Variants in LRCH2 observed in about 807,000 individuals in gnomAD.
LRCH2 encodes the protein leucine rich repeats and calponin homology domain containing 2.
Under a neutral mutation model 68.9 loss-of-function variants are expected in LRCH2, and 38 were observed. The observed-to-expected ratio is 0.55, with a 90% CI of 0.43 to 0.72. The LOEUF is 0.72. Among genes scored for constraint, LRCH2 ranks in the 30% least tolerant of loss-of-function variants. The pLI is 0.00. For synonymous variants in LRCH2, 191 were observed against 208.1 expected (o/e 0.92, Z 0.71); for missense variants, 528 against 572.9 (o/e 0.92, Z 0.80).
At chrX:115,189,539 ACAT>A (rs782217725) in intron 1 of LRCH2, 10 of 1,179,814 alleles carry the variant, frequency 8.5e-6, no homozygotes, top group Non-Finnish European at 1.0e-5. Flanking sequence ...AAGTATGGCC[ACAT>A]CATCAAGGTG....
At chrX:115,217,277 G>A (rs149798256) in intron 1 of LRCH2, among the ~76,000 whole-genome samples, 33 of 111,252 alleles carry the variant, frequency 3.0e-4, no homozygotes, top group African/African-American at 9.5e-4. Flanking sequence ...TGGGCAGAAC[G>A]TGCAGGTTTG....
At chrX:115,224,518 A>C (rs1302442320) in intron 1 of LRCH2, among the ~76,000 whole-genome samples, 3 of 109,123 alleles carry the variant, frequency 2.7e-5, no homozygotes, top group African/African-American at 6.7e-5. Context: ...CCCTGTCTCT[A>C]CAAAAAAATA....
intron 1 of LRCH2, among the ~76,000 whole-genome samples, chrX:115,218,999 T>A (rs2073060885): frequency 8.9e-6 from 1 of 112,159 alleles, no homozygotes; most frequent in African/African-American, 3.2e-5. Flanking sequence ...CAGGTAGATC[T>A]GTGTATACAA....
chrX:115,163,156 T>C (rs1367626434), intron 11 of LRCH2, among the ~76,000 whole-genome samples: 1 of 111,810 alleles, frequency 8.9e-6, no homozygotes, highest in Non-Finnish European at 1.9e-5. Context: ...ACTGATTTAA[T>C]CAACTCTTGC....
intron 2 of LRCH2, among the ~76,000 whole-genome samples, chrX:115,185,887 T>C (rs186127226): frequency 5.4e-5 from 6 of 111,506 alleles, no homozygotes; most frequent in Admixed American, 9.5e-5. Flanking sequence ...TTCTACAGGA[T>C]TCTACTGAAA....
At chrX:115,148,903 T>C (rs1362455138) in intron 14 of LRCH2, among the ~76,000 whole-genome samples, 2 of 111,811 alleles carry the variant, frequency 1.8e-5, no homozygotes, top group Non-Finnish European at 3.8e-5. Flanking sequence ...TTTCCAAATG[T>C]ATGTTACACA....
chrX:115,179,439 T>C lies in LRCH2; in HGVS notation c.852A>G (p.Val284=), dbSNP rs1603063278. ...TTTTATTACAAACCTGTGCTGGTGG[T>C]ACTTGCAATGGATTGTTATCCAAAA... ...VIILDNNPLQ[V]PPAQICLKGK... is the part of the protein sequence containing the mutation. The change falls in exon 5 of 21, where the codon GTA becomes GTG. Residue 284 remains valine (V), a synonymous_variant. Transcript: ENST00000317135. 1 of 1,128,803 alleles carries C rather than the reference T, an allele frequency of 8.9e-7. No individual in the cohort carries two copies. Among genetic ancestry groups the C allele is most frequent in the Non-Finnish European group, 1.2e-6 (1 of 855,363 alleles). The allele number at this position is 1,128,803 out of a possible 1,213,427, so 93.0% of individuals were successfully genotyped here.
chrX:115,153,939 T>C (rs2072453197), intron 12 of LRCH2, among the ~76,000 whole-genome samples: 2 of 111,799 alleles, frequency 1.8e-5, no homozygotes, highest in African/African-American at 6.5e-5. Context: ...ATTTTTAACA[T>C]TGCAATTAGA....
intron 1 of LRCH2, among the ~76,000 whole-genome samples, chrX:115,232,082 CAG>C (rs1265305967): frequency 9.0e-6 from 1 of 110,569 alleles, no homozygotes; most frequent in Non-Finnish European, 1.9e-5. Context: ...ATTTGAGAGA[CAG>C]AGAGTTGACC....
chrX:115,159,872 G>T (rs2147382414), intron 11 of LRCH2, among the ~76,000 whole-genome samples: 1 of 111,369 alleles, frequency 9.0e-6, no homozygotes, highest in Non-Finnish European at 1.9e-5. Flanking sequence ...AAAACCTTAT[G>T]AGTTACCAAT....
intron 1 of LRCH2, among the ~76,000 whole-genome samples, chrX:115,231,604 T>C (rs1482630778): frequency 8.9e-6 from 1 of 112,013 alleles, no homozygotes; most frequent in African/African-American, 3.2e-5. Flanking sequence ...AAAAGTAAAA[T>C]GAAACTTATG....
At position 115,188,390 on chromosome X, in the gene LRCH2, T is replaced by C; in HGVS notation, c.350-20A>G. 2 of 1,072,681 alleles carry C rather than the reference T, an allele frequency of 1.9e-6. No homozygotes were observed. Among genetic ancestry groups the C allele is most frequent in the Non-Finnish European group, 1.3e-6 (1 of 797,547 alleles). The allele number at this position is 1,072,681 out of a possible 1,213,427, so 88.4% of individuals were successfully genotyped here. On this transcript the variant is annotated intron_variant, in intron 1 of 20. Coordinates refer to ENST00000317135, the MANE Select transcript of LRCH2 (RefSeq NM_020871.4). ...AAAGATCTGAAAAGAAAATAGTGAG[T>C]ATTAAACATATACCTATATCTATGG...
intron 1 of LRCH2, among the ~76,000 whole-genome samples, chrX:115,222,318 G>A (rs183714578): frequency 8.9e-6 from 1 of 112,119 alleles, no homozygotes; most frequent in East Asian, 2.8e-4. Flanking sequence ...GTTAAAGACT[G>A]AATATATTCC....
At chrX:115,219,874 T>C (rs1332527820) in intron 1 of LRCH2, among the ~76,000 whole-genome samples, 2 of 111,421 alleles carry the variant, frequency 1.8e-5, no homozygotes, top group East Asian at 5.6e-4. Context: ...CCCCAAGACT[T>C]GAGACAGATT....
chrX:115,217,877 C>T (rs966848144), intron 1 of LRCH2, among the ~76,000 whole-genome samples: 10 of 112,185 alleles, frequency 8.9e-5, no homozygotes, highest in African/African-American at 3.2e-4. Context: ...TCTCCACATC[C>T]TCTCCAGCAT....
At chrX:115,201,081 C>A (rs1392842479) in intron 1 of LRCH2, among the ~76,000 whole-genome samples, 1 of 111,347 alleles carries the variant, frequency 9.0e-6, no homozygotes, top group East Asian at 2.8e-4. Context: ...GGAAGGCAAG[C>A]AGGAGCAAGT....
chrX:115,230,747 G>A (rs186309530), intron 1 of LRCH2, among the ~76,000 whole-genome samples: 26 of 111,576 alleles, frequency 2.3e-4, no homozygotes, highest in African/African-American at 8.1e-4. Flanking sequence ...CTTGACAAGT[G>A]GCTTTAAGGT....
At chrX:115,126,475 G>A (rs1412103348) in intron 16 of LRCH2, 1 of 121,473 alleles carries the variant, frequency 8.2e-6, no homozygotes, top group Admixed American at 9.4e-5. Flanking sequence ...AAATTTGAAA[G>A]TTGTTCTTAA....
At position 115,163,705 on chromosome X, in the gene LRCH2, A is replaced by G. The variant is rs781911232; in HGVS notation, c.1434T>C (p.Ala478=). Residue 478 remains alanine (A), a synonymous_variant, in exon 11 of 21, where the codon GCT becomes GCC. Transcript: ENST00000317135. ...TCTTCTGTTCTTGCTGCAATAACTG[A>G]GCAGCTATTTTCCTCAAATCAGTTA... The part of the protein sequence containing the change: ...KEVTDLRKIA[A]QLLQQEQKNR... 10 of 1,197,730 alleles carry G rather than the reference A, an allele frequency of 8.3e-6. No homozygotes were observed. The highest frequency in any genetic ancestry group is 3.0e-5 in the East Asian group (1 of 33,603).
Sources: gnomAD v4.1 joint callset for allele counts (sites outside exome capture counted in the v4.1 genomes callset) on GRCh38, gnomAD v4.1.1 for gene constraint, MANE v1.5 for transcripts, NCBI Gene and HGNC (gene_info 2026-07-23, HGNC 2026-07-21) for gene names.